Variants in FCRL5 observed in about 807,000 individuals in gnomAD.
The protein encoded by FCRL5 is Fc receptor-like protein 5.
A neutral mutation model predicts 92.1 loss-of-function variants in FCRL5; 79 were observed. The ratio of observed to expected loss-of-function variants is 0.86; its 90% confidence interval spans 0.72 to 1.03. FCRL5 has a LOEUF of 1.03. FCRL5 is among the 50% of genes least tolerant of loss of function. FCRL5 has a pLI of 0.00. For missense variants in FCRL5, 1,160 were observed against 1,181.1 expected, an observed-to-expected ratio of 0.98 and a Z score of 0.26; for synonymous variants, 466 against 469.3, an observed-to-expected ratio of 0.99 and a Z score of 0.09.
chr1:157,550,925 G>C (rs536261038), intron 1 of FCRL5, among the ~76,000 whole-genome samples: 1 of 152,280 alleles, frequency 6.6e-6, no homozygotes, highest in African/African-American at 2.4e-5. Flanking sequence ...AGAAATCCAG[G>C]AGTGTGTGAG....
chr1:157,524,023 T>C (rs1650313833), intron 10 of FCRL5: 1 of 494,326 alleles, frequency 2.0e-6, no homozygotes, highest in Non-Finnish European at 3.6e-6. Context: ...ATAGTTTATG[T>C]TCTAAAAAAG....
In FCRL5 at chr1:157,519,752, T is replaced by C. The variant is rs777517252; in HGVS notation, c.2651A>G (p.Asp884Gly). The C allele has an allele frequency of 9.3e-6, 15 of 1,613,962 alleles. No homozygotes were observed. Among genetic ancestry groups the C allele is most frequent in the Non-Finnish European group, 1.3e-5 (15 of 1,179,976 alleles). ...GCAGCTCAGCTCTTACCTGGCGGGG[T>C]CAGAGGCAGGCTTTCTCCCTGTAAA... is the stretch of plus-strand genomic sequence containing the variant. ...SRKAGRKPASDPARSPSDSDS... is the reference protein window; with the variant it reads ...SRKAGRKPASGPARSPSDSDS... Residue 884 changes from aspartate to glycine, a missense_variant, in exon 13 of 17, where the codon GAC (aspartate) becomes GGC (glycine). Transcript: ENST00000361835.
chr1:157,546,475 C>T (rs371750175), intron 3 of FCRL5, among the ~76,000 whole-genome samples: 2 of 151,840 alleles, frequency 1.3e-5, no homozygotes, highest in African/African-American at 4.8e-5. Context: ...CAAACCAAAC[C>T]AAACCAAACC....
intron 6 of FCRL5, 71 bp from the exon 7 acceptor site, chr1:157,539,435 A>T (rs1289276022): frequency 7.0e-7 from 1 of 1,435,774 alleles, no homozygotes; most frequent in Non-Finnish European, 9.3e-7. Flanking sequence ...AGGAAAATAA[A>T]TCTTGGGAAC....
At position 157,517,104 on chromosome 1, in the gene FCRL5, T is replaced by C. The variant is rs149264998; in HGVS notation, c.2813-1231A>G. Among the ~76,000 whole-genome samples, 1,480 of 152,304 alleles carry C rather than the reference T, an allele frequency of 9.7e-3. 21 individuals are homozygous for C. Among genetic ancestry groups the C allele is most frequent in the African/African-American group, 0.032 (1,343 of 41,546 alleles). ...CAGAGGTAGAAAGAAAAGCCTGCCG[T>C]GAAGGACTTTGTTCCTCTTTCCTGC... On this transcript the variant is annotated intron_variant, in intron 15 of 16. Transcript: ENST00000361835.
intron 1 of FCRL5, among the ~76,000 whole-genome samples, chr1:157,551,710 G>A (rs1651823749): frequency 6.6e-6 from 1 of 152,158 alleles, no homozygotes; most frequent in Non-Finnish European, 1.5e-5. Context: ...TTAACCTTTA[G>A]TAAAAATCAA....
intron 1 of FCRL5, 98 bp from the exon 2 acceptor site, chr1:157,549,678 C>T (rs1651725796): frequency 1.9e-6 from 2 of 1,067,474 alleles, no homozygotes; most frequent in African/African-American, 1.6e-5. Context: ...TTACTTGTCC[C>T]TTTAAAAAAT....
At chr1:157,529,172 A>C (rs569446368) in intron 8 of FCRL5, among the ~76,000 whole-genome samples, 1 of 152,362 alleles carries the variant, frequency 6.6e-6, no homozygotes, top group East Asian at 1.9e-4. Context: ...TTTCAAAAGA[A>C]GATACACAAA....
chr1:157,515,971 G>T lies in FCRL5; in HGVS notation c.2813-98C>A. ...CCAGCCCTGAGCCTCCTGGAGGCCC[G>T]CTCTCCCTCTGTGCGGTGAGTAGCC... On this transcript the variant is annotated intron_variant, in intron 15 of 16. Coordinates refer to ENST00000361835, the MANE Select transcript of FCRL5 (RefSeq NM_031281.3). The T allele has an allele frequency of 9.7e-6, 13 of 1,334,926 alleles. 1 individual carries two copies. In the South Asian group the frequency reaches 1.3e-4, roughly 14 times the overall value. 82.7% of individuals were successfully genotyped at this position (1,334,926 alleles called of 1,614,324 possible). A position where few individuals can be genotyped will look rare whatever the true frequency, so the allele number is the denominator to read the frequency against.
chr1:157,548,407 T>C (rs1318847515), intron 2 of FCRL5, among the ~76,000 whole-genome samples: 1 of 151,282 alleles, frequency 6.6e-6, no homozygotes, highest in Non-Finnish European at 1.5e-5. Context: ...CCAAAAGCAA[T>C]GGCAACAAAA....
rs760916744 is a variant in FCRL5, at chr1:157,521,141, C to T, written c.2391G>A (p.Ser797=). ...TTAAGGACGCTCCTCCAGAGGGGGA[C>T]GACCTATTTCCTAGGGTGACATCCT... ...FHEDVTLGNR[S]SPSGGASLNL... is the part of the protein sequence containing the mutation. The change falls in exon 11 of 17, where the codon TCG becomes TCA. Residue 797 remains serine, a synonymous_variant. Transcript: ENST00000361835. The T allele has an allele frequency of 6.2e-7, 1 of 1,614,094 alleles. No homozygotes were observed. The highest frequency in any genetic ancestry group is 1.1e-5 in the South Asian group (1 of 91,070).
At chr1:157,543,354 C>A (rs1651363337) in intron 5 of FCRL5, among the ~76,000 whole-genome samples, 1 of 152,226 alleles carries the variant, frequency 6.6e-6, no homozygotes, top group African/African-American at 2.4e-5. Context: ...GTCTTCTTTC[C>A]TATCCCTGTT....
intron 3 of FCRL5, among the ~76,000 whole-genome samples, chr1:157,546,681 A>C (rs1651556249): frequency 6.6e-6 from 1 of 152,192 alleles, no homozygotes; most frequent in Admixed American, 6.5e-5. Context: ...TTTCTGACTC[A>C]AATCAAACTT....
chr1:157,539,656 G>A (rs1332949427), intron 6 of FCRL5, among the ~76,000 whole-genome samples: 1 of 152,200 alleles, frequency 6.6e-6, no homozygotes, highest in African/African-American at 2.4e-5. Context: ...TACCCTAACA[G>A]TGTAAATTGA....
rs1164182694 is a variant in FCRL5, at chr1:157,534,463, G to A, written c.1681+151C>T. ...TGGCTGAGCCAGGACTTATGAGTAC[G>A]GAAAACCCCAGCTAGTTAGTTGAGG... On this transcript the variant is annotated intron_variant, in intron 8 of 16. Transcript: ENST00000361835. 6.8e-5 allele frequency: 61 copies of A among 898,118 alleles called. 1 individual carries two copies. The highest frequency in any genetic ancestry group is 1.1e-4 in the Non-Finnish European group (58 of 551,398). The allele number at this position is 898,118 out of a possible 1,614,324, so 55.6% of individuals were successfully genotyped here.
At chr1:157,520,174 G>A (rs753676183) in intron 12 of FCRL5, among the ~76,000 whole-genome samples, 1 of 152,160 alleles carries the variant, frequency 6.6e-6, no homozygotes, top group Non-Finnish European at 1.5e-5. Context: ...TAAGGGTCGA[G>A]AGGAAGACAC....
chr1:157,517,502 G>A (rs1037956462), intron 15 of FCRL5, among the ~76,000 whole-genome samples: 1 of 152,200 alleles, frequency 6.6e-6, no homozygotes. Flanking sequence ...AAAACCCAAG[G>A]ACTTTTCTCA....
At chr1:157,529,930 A>G (rs1403640699) in intron 8 of FCRL5, among the ~76,000 whole-genome samples, 2 of 152,184 alleles carry the variant, frequency 1.3e-5, no homozygotes, top group Non-Finnish European at 2.9e-5. Context: ...TACTCATGTA[A>G]CCAAACACCA....
rs199512022 is a variant in FCRL5 at position 157,546,923 on chromosome 1, C to A, written c.307+20G>T. ...GCTGAATTGATTTCTAAAGTTGGTG[C>A]GTCTTTCACGCTCTCTCACCTGAAG... is the stretch of plus-strand genomic sequence containing the variant. On this transcript the variant is annotated intron_variant, in intron 3 of 16. Transcript: ENST00000361835. 1.9e-6 allele frequency: 3 copies of A among 1,601,970 alleles called. No homozygotes were observed. The highest frequency in any genetic ancestry group is 2.2e-5 in the East Asian group (1 of 44,650).
Sources: allele counts gnomAD v4.1 joint callset (sites outside exome capture counted in the v4.1 genomes callset), GRCh38; gene constraint gnomAD v4.1.1; transcripts MANE v1.5; gene names NCBI Gene and HGNC (gene_info 2026-07-23, HGNC 2026-07-21).